PTPRD: variants seen among roughly 807,000 people sequenced by gnomAD.
PTPRD encodes the protein receptor-type tyrosine-protein phosphatase delta.
A neutral mutation model predicts 214.5 loss-of-function variants in PTPRD; 34 were observed. The observed-to-expected ratio is 0.16, with a 90% CI of 0.12 to 0.21. The LOEUF (loss-of-function observed/expected upper bound fraction) is 0.21, where lower values mean the gene tolerates loss of function less well. PTPRD is among the 10% of genes least tolerant of loss of function. PTPRD has a pLI of 1.00. For missense variants in PTPRD, 2,545 were observed against 2,398.7 expected, an observed-to-expected ratio of 1.06 and a Z score of -1.27; for synonymous variants, 1,128 against 845.7, an observed-to-expected ratio of 1.33 and a Z score of -5.79.
intron 4 of PTPRD, among the ~76,000 whole-genome samples, chr9:9,957,059 G>T (rs957899756): frequency 8.5e-5 from 13 of 152,098 alleles, no homozygotes; most frequent in African/African-American, 2.9e-4. Flanking sequence ...TATAGCTGAA[G>T]CTCATGGAGA....
At chr9:10,193,909 G>T (rs2099385436) in intron 3 of PTPRD, among the ~76,000 whole-genome samples, 1 of 152,048 alleles carries the variant, frequency 6.6e-6, no homozygotes, top group Non-Finnish European at 1.5e-5. Context: ...TTTGTTAGAT[G>T]CTCCGAAACA....
At chr9:9,433,353 C>T (rs946032099) in intron 8 of PTPRD, among the ~76,000 whole-genome samples, 8 of 152,066 alleles carry the variant, frequency 5.3e-5, no homozygotes, top group African/African-American at 1.4e-4. Flanking sequence ...GTCAGAATTA[C>T]GTTGAGGATT....
chr9:9,401,089 A>G (rs1289834959), intron 8 of PTPRD, among the ~76,000 whole-genome samples: 4 of 152,046 alleles, frequency 2.6e-5, no homozygotes, highest in Non-Finnish European at 5.9e-5. Flanking sequence ...GGCAGGTGGT[A>G]GGAATAAACA....
intron 2 of PTPRD, among the ~76,000 whole-genome samples, chr9:10,433,911 A>G (rs2098699962): frequency 6.6e-6 from 1 of 152,028 alleles, no homozygotes; most frequent in East Asian, 1.9e-4. Context: ...AAAACATTAC[A>G]TATTTATTTG....
intron 11 of PTPRD, among the ~76,000 whole-genome samples, chr9:9,002,094 A>AT: frequency 6.6e-6 from 1 of 151,820 alleles, no homozygotes; most frequent in South Asian, 2.1e-4. Context: ...GTAACAAAAG[A>AT]TTTTTTCCCT....
chr9:9,314,493 T>A (rs1302645204), intron 9 of PTPRD, among the ~76,000 whole-genome samples: 1 of 152,162 alleles, frequency 6.6e-6, no homozygotes, highest in Non-Finnish European at 1.5e-5. Flanking sequence ...TGGTAGTTTA[T>A]GATTTCATGG....
At chr9:8,949,134 G>T (rs1313870001) in intron 11 of PTPRD, among the ~76,000 whole-genome samples, 1 of 150,314 alleles carries the variant, frequency 6.7e-6, no homozygotes, top group African/African-American at 2.5e-5. Flanking sequence ...TGAGGCAGGA[G>T]AATCGCTTGA....
intron 11 of PTPRD, among the ~76,000 whole-genome samples, chr9:8,852,012 C>G (rs1337984773): frequency 6.6e-6 from 1 of 151,522 alleles, no homozygotes; most frequent in East Asian, 1.9e-4. Context: ...GAAATCATTA[C>G]TAATACAACC....
intron 4 of PTPRD, among the ~76,000 whole-genome samples, chr9:10,016,792 G>T (rs1325639402): frequency 6.6e-6 from 1 of 151,966 alleles, no homozygotes; most frequent in Non-Finnish European, 1.5e-5. Context: ...GGCCTCCAAA[G>T]TAGCAGGGAC....
chr9:10,024,149 T>C lies in PTPRD; in HGVS notation c.-472+9569A>G, dbSNP rs1473484044. On this transcript the variant is annotated intron_variant, in intron 4 of 45. Transcript: ENST00000381196. ...TGTATTTTTAATGTGGGATAACAAATGTTTCAGTAATGTATAATTTAATTA... is the reference window on the plus strand; with the variant it reads ...TGTATTTTTAATGTGGGATAACAAACGTTTCAGTAATGTATAATTTAATTA... 5.3e-5 allele frequency among the ~76,000 whole-genome samples: 8 copies of C among 152,274 alleles called. No individual in the cohort carries two copies. The South Asian group carries it at 1.2e-3, about 24-fold the overall frequency.
chr9:9,471,710 G>T (rs539949622), intron 8 of PTPRD, among the ~76,000 whole-genome samples: 3 of 152,030 alleles, frequency 2.0e-5, no homozygotes, highest in Non-Finnish European at 4.4e-5. Context: ...ACAATTCAAT[G>T]CATTTCAGTT....
At position 8,666,739 on chromosome 9, in the gene PTPRD, A is replaced by G. The variant is rs545571484; in HGVS notation, c.65-29895T>C. ...TTTCTACATCCCAGTAGTTTCCAGT[A>G]TAATGAATGTCCTGTGAGTTTTCTG... On this transcript the variant is annotated intron_variant, in intron 12 of 45. Transcript: ENST00000381196. 4.6e-5 allele frequency among the ~76,000 whole-genome samples: 7 copies of G among 152,334 alleles called. No individual in the cohort carries two copies. The East Asian group carries it at 7.7e-4, about 17-fold the overall frequency.
chr9:10,188,328 T>G (rs2099347210), intron 3 of PTPRD, among the ~76,000 whole-genome samples: 1 of 152,162 alleles, frequency 6.6e-6, no homozygotes, highest in Non-Finnish European at 1.5e-5. Flanking sequence ...CTGTTTAATC[T>G]TAAATAATAT....
In PTPRD at chr9:9,845,129, G is replaced by C. The variant is rs58460471; in HGVS notation, c.-367-78278C>G. Among the ~76,000 whole-genome samples, 3 of 3,972 alleles carry C rather than the reference G, an allele frequency of 7.6e-4. 1 individual carries two copies. Among genetic ancestry groups the C allele is most frequent in the Non-Finnish European group, 1.5e-3 (3 of 2,060 alleles). 2.6% of individuals were successfully genotyped at this position (3,972 alleles called of 152,430 possible). A position where few individuals can be genotyped will look rare whatever the true frequency, so the allele number is the denominator to read the frequency against. ...TGCTATATATATTGCTCTATATATA[G>C]AGCAATATATATATATATTGCTCTA... On this transcript the variant is annotated intron_variant, in intron 5 of 45. Transcript: ENST00000381196.
rs76032048 is a variant in PTPRD, at chr9:10,137,701, T to TA, written c.-544-103912dup. On this transcript the variant is annotated intron_variant, in intron 3 of 45. Transcript: ENST00000381196. ...ATGTACCCTAAAACTTAGAGTATAA[T>TA]AAAAAAAAAAAAAAAAAAAAGAAAT... Among the ~76,000 whole-genome samples the TA allele has an allele frequency of 2.1e-3, 152 of 72,006 alleles. 1 individual carries two copies. Among genetic ancestry groups the TA allele is most frequent in the African/African-American group, 5.5e-3 (88 of 15,976 alleles). The allele number at this position is 72,006 out of a possible 152,430, so 47.2% of individuals were successfully genotyped here.
chr9:9,177,481 T>C (rs940590515), intron 10 of PTPRD, among the ~76,000 whole-genome samples: 7 of 152,178 alleles, frequency 4.6e-5, no homozygotes, highest in Admixed American at 1.3e-4. Flanking sequence ...TTATACTTTA[T>C]ACTCATTAAT....
intron 11 of PTPRD, among the ~76,000 whole-genome samples, chr9:8,892,374 CA>C (rs2098547113): frequency 1.3e-5 from 2 of 152,018 alleles, no homozygotes; most frequent in African/African-American, 4.8e-5. Context: ...GAAGGGACTC[CA>C]CAGAAATCCT....
chr9:8,372,443 T>C (rs1472865969), intron 39 of PTPRD, among the ~76,000 whole-genome samples: 2 of 152,072 alleles, frequency 1.3e-5, no homozygotes, highest in Non-Finnish European at 2.9e-5. Flanking sequence ...AAAATTCTCA[T>C]TGCTATAGCG....
At chr9:9,964,011 G>A (rs2094518680) in intron 4 of PTPRD, among the ~76,000 whole-genome samples, 1 of 151,618 alleles carries the variant, frequency 6.6e-6, no homozygotes, top group Non-Finnish European at 1.5e-5. Flanking sequence ...GATTTAAAAT[G>A]TGTATGAGTC....
Sources: gnomAD v4.1 joint callset for allele counts (sites outside exome capture counted in the v4.1 genomes callset) on GRCh38, gnomAD v4.1.1 for gene constraint, MANE v1.5 for transcripts, NCBI Gene and HGNC (gene_info 2026-07-23, HGNC 2026-07-21) for gene names.